ARHGAP29: variants seen among roughly 807,000 people sequenced by gnomAD.
ARHGAP29 encodes the protein Rho GTPase activating protein 29, also known as rho GTPase-activating protein 29.
In ARHGAP29, 43 loss-of-function variants were observed where a neutral mutation model predicts 122.6. The observed-to-expected ratio is 0.35, with a 90% CI of 0.27 to 0.45. The LOEUF is 0.45. Among genes scored for constraint, ARHGAP29 ranks in the 20% least tolerant of loss-of-function variants. The probability of loss-of-function intolerance (pLI) is 1.00; values close to 1 mark genes in which losing one functional copy is unlikely to be tolerated. For synonymous variants in ARHGAP29, 506 were observed against 497.1 expected (o/e 1.02, Z -0.24); for missense variants, 1,303 against 1,477.2 (o/e 0.88, Z 1.93).
the ARHGAP29 span, chr1:94,302,523 A>G: frequency 3.0e-6 from 1 of 328,388 alleles, no homozygotes; most frequent in Non-Finnish European, 6.0e-6. Flanking sequence ...TAACTCTGGC[A>G]TCATGAAGCG....
chr1:94,237,261 C>A (rs1186904032), intron 1 of ARHGAP29, among the ~76,000 whole-genome samples, 154 bp downstream of exon 1: 1 of 152,116 alleles, frequency 6.6e-6, no homozygotes, highest in Non-Finnish European at 1.5e-5. Context: ...CTCGAGGACA[C>A]CCGTCCCTAG....
chr1:94,237,446 A>T lies in ARHGAP29; in HGVS notation c.-64T>A. 1 of 986,308 alleles carries T rather than the reference A, an allele frequency of 1.0e-6. No individual in the cohort carries two copies. Among genetic ancestry groups the T allele is most frequent in the Non-Finnish European group, 1.2e-6 (1 of 830,586 alleles). 61.1% of individuals were successfully genotyped at this position (986,308 alleles called of 1,614,324 possible). ...GCTCCATCTCGCGTGCCGGACGCGG[A>T]CGCCCGCCCCACACCTACGGCCGCC... On this transcript the variant is annotated 5_prime_UTR_variant, in exon 1 of 23. Coordinates refer to ENST00000260526, the MANE Select transcript of ARHGAP29 (RefSeq NM_004815.4).
At chr1:94,189,550 A>C (rs1650009289) in intron 13 of ARHGAP29, among the ~76,000 whole-genome samples, 198 bp from the exon 14 acceptor site, 1 of 152,208 alleles carries the variant, frequency 6.6e-6, no homozygotes, top group Admixed American at 6.5e-5. Flanking sequence ...TCCTTATTAC[A>C]GTGAAAACAT....
At chr1:94,190,254 G>A (rs1650056992) in intron 12 of ARHGAP29, 171 bp from the exon 13 acceptor site, 4 of 598,252 alleles carry the variant, frequency 6.7e-6, no homozygotes, top group South Asian at 4.2e-5. Context: ...TCTAGATTAG[G>A]GAGAAAAGCA....
At chr1:94,206,286 G>A (rs1419595016) in intron 5 of ARHGAP29, among the ~76,000 whole-genome samples, 2 of 152,096 alleles carry the variant, frequency 1.3e-5, no homozygotes, top group African/African-American at 4.8e-5. Context: ...AGAACTACAT[G>A]TGACTCGTGC....
intron 1 of ARHGAP29, among the ~76,000 whole-genome samples, chr1:94,263,392 A>T (rs1654636433): frequency 1.1e-5 from 1 of 94,240 alleles, no homozygotes; most frequent in African/African-American, 4.4e-5. Flanking sequence ...TGAACTTAAA[A>T]GTTAAAAAAA....
chr1:94,189,887 T>C (rs1316777932), intron 13 of ARHGAP29, 39 bp downstream of exon 13: 5 of 1,594,788 alleles, frequency 3.1e-6, no homozygotes, highest in African/African-American at 2.7e-5. Context: ...TTAAGTGTTT[T>C]ATATTTTGAA....
chr1:94,207,441 GAAA>G (rs1386253480), intron 5 of ARHGAP29, among the ~76,000 whole-genome samples: 1 of 151,648 alleles, frequency 6.6e-6, no homozygotes, highest in Non-Finnish European at 1.5e-5. Context: ...AGAAAAAAAA[GAAA>G]AAAGTATTTT....
intron 19 of ARHGAP29, among the ~76,000 whole-genome samples, chr1:94,181,425 A>G (rs1408932382): frequency 6.6e-6 from 1 of 152,160 alleles, no homozygotes; most frequent in Non-Finnish European, 1.5e-5. Context: ...ACTATCTGAA[A>G]ATGGGGATTT....
At chr1:94,256,577 A>T (rs1654360385) in intron 1 of ARHGAP29, among the ~76,000 whole-genome samples, 1 of 40,524 alleles carries the variant, frequency 2.5e-5, no homozygotes, top group Non-Finnish European at 3.6e-5. Flanking sequence ...TTTTTTTTTG[A>T]GACAGAGTCT....
chr1:94,182,906 AC>A (rs1369381648), intron 19 of ARHGAP29, among the ~76,000 whole-genome samples: 13 of 152,294 alleles, frequency 8.5e-5, no homozygotes, highest in Admixed American at 8.5e-4. Context: ...GAAAAGAGAT[AC>A]CCCAGGATGG....
chr1:94,184,716 T>G (rs1315374622), intron 18 of ARHGAP29, among the ~76,000 whole-genome samples, 156 bp downstream of exon 18: 2 of 152,160 alleles, frequency 1.3e-5, no homozygotes. Flanking sequence ...ATCATGCCAC[T>G]GTACTCCAGC....
intron 12 of ARHGAP29, among the ~76,000 whole-genome samples, chr1:94,198,184 CAATT>C (rs142206337): frequency 0.31 from 46,489 of 151,722 alleles, 7,158 homozygotes; most frequent in South Asian, 0.42. Flanking sequence ...TAAATATTAA[CAATT>C]AAAACAGCCA....
chr1:94,246,968 G>C (rs1343727980), intron 1 of ARHGAP29, among the ~76,000 whole-genome samples: 2 of 152,022 alleles, frequency 1.3e-5, no homozygotes, highest in Non-Finnish European at 1.5e-5. Flanking sequence ...CTCCAGAAGG[G>C]GCACACGGTG....
intron 7 of ARHGAP29, among the ~76,000 whole-genome samples, chr1:94,204,459 A>G (rs1651070591): frequency 6.6e-6 from 1 of 152,240 alleles, no homozygotes; most frequent in Admixed American, 6.5e-5. Context: ...AGCATTCTCT[A>G]TTATAAGCAA....
At position 94,184,958 on chromosome 1, in the gene ARHGAP29, G is replaced by C. The variant is rs751717996; in HGVS notation, c.2023C>G (p.Gln675Glu). 1 of 1,612,410 alleles carries C rather than the reference G, an allele frequency of 6.2e-7. No homozygotes were observed. Among genetic ancestry groups the C allele is most frequent in the South Asian group, 1.1e-5 (1 of 90,820 alleles). The change falls in exon 18 of 23, where the codon CAA becomes GAA. Residue 675 changes from glutamine (Q) to glutamate (E), a missense_variant. By Grantham distance (29) the Gln-to-Glu change is conservative. This residue lies in a region of ARHGAP29 where 91 missense variants were observed against 177.8 expected (regional missense o/e 0.51). Transcript: ENST00000260526. ...KIHLFGAEFT[Q>E]VAKKEPDGIP... ...CCATCTGGTTCCTTTTTTGCAACTT[G>C]TGTGAATTCTGCTCCAAATAAGTGT...
chr1:94,174,454 G>C lies in ARHGAP29; in HGVS notation c.3201C>G (p.Ser1067=), dbSNP rs371410477. Residue 1067 remains serine (S), a synonymous_variant, in exon 23 of 23, where the codon TCC becomes TCG. Coordinates refer to ENST00000260526, the MANE Select transcript of ARHGAP29 (RefSeq NM_004815.4). ...TTTGCTGGTCAAAGCCATTAAATTTGGAACAAACAGTAGTAGCAGCGTCTT... is the reference window on the plus strand; with the variant it reads ...TTTGCTGGTCAAAGCCATTAAATTTCGAACAAACAGTAGTAGCAGCGTCTT... ...NRKDAATTVC[S]KFNGFDQQTL... 4.3e-6 allele frequency: 7 copies of C among 1,614,038 alleles called. No homozygotes were observed. In the East Asian group the frequency reaches 1.3e-4, roughly 31 times the overall value.
rs141683505 is a variant in ARHGAP29 at position 94,262,424 on chromosome 1, G to A, written c.-33+12588C>T. Among the ~76,000 whole-genome samples, 602 of 152,172 alleles carry A rather than the reference G, an allele frequency of 4.0e-3. 7 individuals are homozygous for A. The highest frequency in any genetic ancestry group is 0.013 in the African/African-American group (555 of 41,524). On this transcript the variant is annotated intron_variant and NMD_transcript_variant, in intron 1 of 25. Transcript: ENST00000552844. ...TGACAAATGGAAATTAAACTAAAGA[G>A]CTTCTATACAGCAAAATAAACTATC...
chr1:94,312,355 G>GTTTTTTT, the ARHGAP29 span, among the ~76,000 whole-genome samples: 4 of 88,800 alleles, frequency 4.5e-5, no homozygotes, highest in African/African-American at 8.2e-5. Context: ...ATTTTTATTT[G>GTTTTTTT]TTTTTTTTTT....
Sources: allele counts gnomAD v4.1 joint callset (sites outside exome capture counted in the v4.1 genomes callset), GRCh38; gene constraint gnomAD v4.1.1; regional missense constraint gnomAD v4.1.1; transcripts MANE v1.5; gene names NCBI Gene and HGNC (gene_info 2026-07-23, HGNC 2026-07-21).